The following RAPGEF2 variants were observed in gnomAD, a reference collection of about 807,000 sequenced individuals.
The protein encoded by RAPGEF2 is Rap guanine nucleotide exchange factor 2, also known as PDZ domain containing guanine nucleotide exchange factor (GEF) 1.
RAPGEF2 carries 54 observed loss-of-function variants against 186.7 expected under a neutral mutation model. That is an observed-to-expected ratio of 0.29 (90% CI 0.23 to 0.36). RAPGEF2 has a LOEUF of 0.36. Among genes scored for constraint, RAPGEF2 ranks in the 10% least tolerant of loss-of-function variants. RAPGEF2 has a pLI of 1.00. For synonymous variants in RAPGEF2, 712 were observed against 705.9 expected, an observed-to-expected ratio of 1.01 and a Z score of -0.14; for missense variants, 1,532 against 2,045.0, an observed-to-expected ratio of 0.75 and a Z score of 4.84.
chr4:159,170,961 T>A (rs1381305659), intron 1 of RAPGEF2, among the ~76,000 whole-genome samples: 1 of 152,198 alleles, frequency 6.6e-6, no homozygotes, highest in African/African-American at 2.4e-5. Flanking sequence ...AGACTCTTCT[T>A]TCCCCCATTG....
At chr4:159,165,702 T>G (rs1177408144) in intron 1 of RAPGEF2, among the ~76,000 whole-genome samples, 1 of 152,128 alleles carries the variant, frequency 6.6e-6, no homozygotes, top group African/African-American at 2.4e-5. Context: ...ACTGCAGTCT[T>G]GACTTCAGCC....
At chr4:159,208,889 A>ATT (rs113496003) in intron 3 of RAPGEF2, among the ~76,000 whole-genome samples, 4 of 147,804 alleles carry the variant, frequency 2.7e-5, no homozygotes, top group East Asian at 3.9e-4. Context: ...AAATCTCACA[A>ATT]TTTTTTTTTT....
At chr4:159,287,784 G>C (rs1760698682) in intron 7 of RAPGEF2, among the ~76,000 whole-genome samples, 1 of 152,058 alleles carries the variant, frequency 6.6e-6, no homozygotes, top group African/African-American at 2.4e-5. Flanking sequence ...ATTTTTCTGT[G>C]ATATAAAAGC....
At chr4:159,283,872 G>T (rs989121540) in intron 7 of RAPGEF2, among the ~76,000 whole-genome samples, 4 of 152,162 alleles carry the variant, frequency 2.6e-5, no homozygotes, top group African/African-American at 9.7e-5. Context: ...GCTTCTTAAT[G>T]ATGCGTCTTT....
intron 7 of RAPGEF2, among the ~76,000 whole-genome samples, chr4:159,247,313 C>T (rs1177223714): frequency 1.3e-5 from 2 of 152,164 alleles, no homozygotes; most frequent in African/African-American, 4.8e-5. Flanking sequence ...TTTGCCCTTA[C>T]AATCTCACAG....
chr4:159,286,534 T>G (rs1760523794), intron 7 of RAPGEF2, among the ~76,000 whole-genome samples: 2 of 152,186 alleles, frequency 1.3e-5, no homozygotes, highest in Admixed American at 1.3e-4. Flanking sequence ...AGCTCTCTAT[T>G]GCACTTGGAC....
At chr4:159,135,922 T>C (rs34574305) in intron 1 of RAPGEF2, among the ~76,000 whole-genome samples, 31,855 of 152,148 alleles carry the variant, frequency 0.21, 3,352 homozygotes, top group Admixed American at 0.26. Context: ...TTGAAATAAA[T>C]TTAGATTTAC....
intron 2 of RAPGEF2, among the ~76,000 whole-genome samples, chr4:159,189,324 G>A (rs1747876207): frequency 6.6e-6 from 1 of 152,316 alleles, no homozygotes; most frequent in East Asian, 1.9e-4. Context: ...AGACATTACT[G>A]TGTTGCTGTA....
At chr4:159,346,389 C>T (rs1730307142) in intron 24 of RAPGEF2, among the ~76,000 whole-genome samples, 3 of 152,212 alleles carry the variant, frequency 2.0e-5, no homozygotes, top group Admixed American at 2.0e-4. Context: ...TTAGCACATA[C>T]ATGTCAAACA....
intron 4 of RAPGEF2, among the ~76,000 whole-genome samples, chr4:159,216,965 G>A (rs781653390): frequency 2.6e-5 from 4 of 151,998 alleles, no homozygotes; most frequent in Non-Finnish European, 4.4e-5. Flanking sequence ...TATGATTCTC[G>A]TGACAAACAA....
chr4:159,124,802 AAAAG>A (rs1186387642), intron 1 of RAPGEF2, among the ~76,000 whole-genome samples: 9 of 152,206 alleles, frequency 5.9e-5, no homozygotes, highest in Non-Finnish European at 1.2e-4. Flanking sequence ...CTGAGGGGAA[AAAAG>A]AAATTTTATT....
At chr4:159,246,972 A>C (rs1754710285) in intron 7 of RAPGEF2, among the ~76,000 whole-genome samples, 1 of 152,136 alleles carries the variant, frequency 6.6e-6, no homozygotes, top group Non-Finnish European at 1.5e-5. Flanking sequence ...GTTTATGTAT[A>C]TATATGAGAA....
At chr4:159,356,771 G>A (rs1261966676) in intron 29 of RAPGEF2, among the ~76,000 whole-genome samples, 1 of 151,992 alleles carries the variant, frequency 6.6e-6, no homozygotes. Context: ...TATGGTGGCA[G>A]GCACCTGTAA....
At chr4:159,278,794 G>A (rs1335664658) in intron 7 of RAPGEF2, among the ~76,000 whole-genome samples, 2 of 152,198 alleles carry the variant, frequency 1.3e-5, no homozygotes, top group East Asian at 3.8e-4. Flanking sequence ...AGGTAATACG[G>A]TTGTGTGAAG....
chr4:159,313,988 C>T (rs1014261067), intron 8 of RAPGEF2, among the ~76,000 whole-genome samples: 7 of 152,150 alleles, frequency 4.6e-5, no homozygotes, highest in Admixed American at 3.9e-4. Context: ...ATGTGATTAC[C>T]TGTGTTGATG....
intron 3 of RAPGEF2, among the ~76,000 whole-genome samples, chr4:159,208,633 T>C (rs986092990): frequency 1.3e-4 from 20 of 152,348 alleles, no homozygotes; most frequent in Admixed American, 2.6e-4. Context: ...GAGAAAGAAA[T>C]GAACTTTGGT....
intron 7 of RAPGEF2, among the ~76,000 whole-genome samples, chr4:159,251,214 C>A (rs1459092591): frequency 6.6e-6 from 1 of 152,260 alleles, no homozygotes; most frequent in African/African-American, 2.4e-5. Flanking sequence ...TCCGAGCCCC[C>A]CACCCTCCGT....
In RAPGEF2 at chr4:159,312,134, T is replaced by G. The variant is rs1764018808; in HGVS notation, c.676-2457T>G. The stretch of plus-strand genomic sequence containing the variant: ...TATTTCTTTGGGATGGTATAAAATA[T>G]ATTCCATCTTTTTGCATACATTAGA... On this transcript the variant is annotated intron_variant, in intron 8 of 29. Coordinates refer to ENST00000691494, the MANE Select transcript of RAPGEF2 (RefSeq NM_001394067.2). 2.0e-5 allele frequency among the ~76,000 whole-genome samples: 3 copies of G among 152,160 alleles called. No individual in the cohort carries two copies. In the South Asian group the frequency reaches 6.2e-4, roughly 32 times the overall value.
At chr4:159,331,601 T>C (rs1766690144) in intron 14 of RAPGEF2, 29 bp from the exon 15 acceptor site, 9 of 1,612,926 alleles carry the variant, frequency 5.6e-6, no homozygotes, top group Middle Eastern at 1.7e-4. Flanking sequence ...TGTTCTTGAG[T>C]TGACACTACT....
Sources: allele counts gnomAD v4.1 joint callset (sites outside exome capture counted in the v4.1 genomes callset), GRCh38; gene constraint gnomAD v4.1.1; transcripts MANE v1.5; gene names NCBI Gene and HGNC (gene_info 2026-07-23, HGNC 2026-07-21).